The following SOCS7 variants were observed in gnomAD, a reference collection of about 807,000 sequenced individuals.
SOCS7 encodes the protein NAP-4.
A neutral mutation model predicts 58.9 loss-of-function variants in SOCS7; 18 were observed. The observed-to-expected ratio is 0.31, with a 90% CI of 0.21 to 0.45. The LOEUF is 0.45. Ranked by LOEUF, SOCS7 falls within the 20% of genes least tolerant of loss-of-function variation. The pLI, the probability that SOCS7 is intolerant of heterozygous loss-of-function variation, is 1.00. For missense variants in SOCS7, 667 were observed against 837.3 expected, an observed-to-expected ratio of 0.80 and a Z score of 2.51; for synonymous variants, 388 against 364.3, an observed-to-expected ratio of 1.06 and a Z score of -0.74.
At chr17:38,353,132 C>T (rs1205599665) in intron 1 of SOCS7, 100 bp downstream of exon 1, 8 of 1,156,414 alleles carry the variant, frequency 6.9e-6, no homozygotes, top group Non-Finnish European at 8.3e-6. Context: ...AAGATAGGGT[C>T]TTCAGGAGGA....
At chr17:38,367,398 G>C (rs907451381) in intron 5 of SOCS7, among the ~76,000 whole-genome samples, 1 of 149,470 alleles carries the variant, frequency 6.7e-6, no homozygotes, top group Non-Finnish European at 1.5e-5. Context: ...TTTTGACACA[G>C]AGTCTCACTG....
chr17:38,371,623 C>T (rs542562673), intron 6 of SOCS7, among the ~76,000 whole-genome samples: 1 of 149,952 alleles, frequency 6.7e-6, no homozygotes, highest in Non-Finnish European at 1.5e-5. Flanking sequence ...AACCACCATG[C>T]CCGGCCGGGA....
In SOCS7 at chr17:38,366,380, C is replaced by A; in HGVS notation, c.1346C>A (p.Ser449Ter). The A allele has an allele frequency of 6.2e-7, 1 of 1,614,232 alleles. No homozygotes were observed. Among genetic ancestry groups the A allele is most frequent in the East Asian group, 2.2e-5 (1 of 44,888 alleles). The change falls in exon 5 of 10, where the codon TCG becomes TAG. Residue 449 changes from serine (S) to a stop codon, truncating the protein, a stop_gained. Coordinates refer to ENST00000612932, the MANE Select transcript of SOCS7 (RefSeq NM_014598.4). LOFTEE classifies it high-confidence loss of function. ...CAGTGTCCCCTCTACCGGCCTGACT[C>A]GAGCAGCTTTGCAGCCAGCCTTCGA... ...HLQCPLYRPD[S>*]SSFAASLREL...
At chr17:38,383,406 C>G (rs1057131233) in intron 7 of SOCS7, among the ~76,000 whole-genome samples, 16 of 152,118 alleles carry the variant, frequency 1.1e-4, no homozygotes, top group African/African-American at 2.4e-5. Flanking sequence ...TCTCCTGGCC[C>G]TATAAAGGTG....
chr17:38,365,492 A>G (rs1249099879), intron 4 of SOCS7, 83 bp downstream of exon 4: 2 of 848,350 alleles, frequency 2.4e-6, no homozygotes, highest in Non-Finnish European at 3.5e-6. Context: ...GGAGAAATCT[A>G]TTTATGGAAA....
At chr17:38,387,327 A>G (rs2038087500) in intron 7 of SOCS7, among the ~76,000 whole-genome samples, 1 of 144,578 alleles carries the variant, frequency 6.9e-6, no homozygotes, top group African/African-American at 2.6e-5. Context: ...GGCACCTGTA[A>G]TCCCAGCTAC....
At chr17:38,380,528 G>T (rs565660171) in intron 7 of SOCS7, among the ~76,000 whole-genome samples, 3 of 151,908 alleles carry the variant, frequency 2.0e-5, no homozygotes, top group Admixed American at 2.0e-4. Context: ...TACTCTGGAG[G>T]CTGAGGCAGG....
At position 38,396,987 on chromosome 17, in the gene SOCS7, G is replaced by A. The variant is rs183699193; in HGVS notation, c.*30+989G>A. Among the ~76,000 whole-genome samples the A allele has an allele frequency of 1.3e-4, 20 of 152,244 alleles. No individual in the cohort carries two copies. In the East Asian group the frequency reaches 2.3e-3, roughly 18 times the overall value. ...AGGGTGAGAGGTAGAGCACTAGGGA[G>A]GTCCACCTACCTGACTACCCTTGAA... On this transcript the variant is annotated intron_variant, in intron 9 of 9. Transcript: ENST00000612932.
rs1289144521 is a variant in SOCS7 at position 38,384,452 on chromosome 17, T to A, written c.1681+6610T>A. On this transcript the variant is annotated intron_variant, in intron 7 of 9. Transcript: ENST00000612932. Reference sequence around the variant, plus strand: ...GGACTACAGGCATGGGCCACCATGCTCGGCTAATTTTTCAATTTTTTTGTT... The same window carrying A: ...GGACTACAGGCATGGGCCACCATGCACGGCTAATTTTTCAATTTTTTTGTT... Among the ~76,000 whole-genome samples the A allele has an allele frequency of 2.0e-5, 3 of 151,910 alleles. No individual in the cohort carries two copies. The East Asian group carries it at 5.8e-4, about 30-fold the overall frequency.
rs2038308670 is a variant in SOCS7, at chr17:38,400,808, G to A, written c.*1326G>A. 1 of 152,206 alleles carries A rather than the reference G, an allele frequency of 6.6e-6. No homozygotes were observed. The highest frequency in any genetic ancestry group is 1.9e-4 in the East Asian group (1 of 5,204). 9.4% of individuals were successfully genotyped at this position (152,206 alleles called of 1,614,324 possible). The stretch of plus-strand genomic sequence containing the variant: ...GAGGAGCGGGGAGAAAAACTCCAAT[G>A]GTCTTTAATGGTTTCTGCAGCTGGC... On this transcript the variant is annotated 3_prime_UTR_variant, in exon 10 of 10. Coordinates refer to ENST00000612932, the MANE Select transcript of SOCS7 (RefSeq NM_014598.4).
intron 7 of SOCS7, among the ~76,000 whole-genome samples, chr17:38,391,833 G>A (rs1374816754): frequency 6.6e-6 from 1 of 152,170 alleles, no homozygotes; most frequent in Admixed American, 6.5e-5. Context: ...AAACAGATGT[G>A]ATTCCTTATC....
rs992595907 is a variant in SOCS7 at position 38,377,944 on chromosome 17, T to C, written c.1681+102T>C. On this transcript the variant is annotated intron_variant, in intron 7 of 9. Transcript: ENST00000612932. The stretch of plus-strand genomic sequence containing the variant: ...CAAAAGGCCATGGTTAAGCTTTTTT[T>C]CCCTGGCTGTTGGAGCCACCACTCC... 8.1e-5 allele frequency: 94 copies of C among 1,153,850 alleles called. 1 individual carries two copies. The highest frequency in any genetic ancestry group is 1.3e-4 in the Admixed American group (6 of 45,406). 71.5% of individuals were successfully genotyped at this position (1,153,850 alleles called of 1,614,324 possible).
chr17:38,394,631 G>T (rs2038221313), intron 7 of SOCS7, among the ~76,000 whole-genome samples: 1 of 152,182 alleles, frequency 6.6e-6, no homozygotes, highest in Non-Finnish European at 1.5e-5. Flanking sequence ...ATTCCCAGCA[G>T]GGATACTTTT....
At chr17:38,367,759 T>A (rs1046123518) in intron 5 of SOCS7, 123 bp from the exon 6 acceptor site, 2 of 815,426 alleles carry the variant, frequency 2.5e-6, no homozygotes, top group Non-Finnish European at 3.9e-6. Flanking sequence ...TGTAAGTGGC[T>A]TTTACCTATT....
chr17:38,366,263 G>T, intron 4 of SOCS7, 24 bp from the exon 5 acceptor site: 1 of 1,611,516 alleles, frequency 6.2e-7, no homozygotes, highest in South Asian at 1.1e-5. Context: ...GTAAACAAGT[G>T]ACCACCACTG....
In SOCS7 at chr17:38,352,552, C is replaced by T; in HGVS notation, c.500C>T (p.Ala167Val). The part of the protein sequence containing the change: ...QPQPPAAAPQ[A>V]GEDPTETSDA... ...CAGCCGCCTGCTGCCGCCCCGCAGG[C>T]CGGGGAGGACCCCACGGAAACGAGC... is the stretch of plus-strand genomic sequence containing the variant. The change falls in exon 1 of 10, where the codon GCC becomes GTC. Residue 167 changes from alanine to valine, a missense_variant. Ala to Val is a moderately conservative substitution (Grantham distance 64). Around this residue, in one of 9 missense-constraint regions of SOCS7, gnomAD observed 154 missense variants for 156.3 expected, o/e 0.98. Transcript: ENST00000612932. The surrounding 1 kb of genome is among the most constrained non-coding windows in gnomAD (Gnocchi z 5.5). The T allele has an allele frequency of 6.5e-7, 1 of 1,549,352 alleles. No homozygotes were observed. Among genetic ancestry groups the T allele is most frequent in the Middle Eastern group, 1.7e-4 (1 of 5,976 alleles).
intron 7 of SOCS7, among the ~76,000 whole-genome samples, chr17:38,380,841 A>G (rs2037991780): frequency 6.6e-6 from 1 of 152,034 alleles, no homozygotes; most frequent in African/African-American, 2.4e-5. Flanking sequence ...TCTGGGTGAC[A>G]GAGGGAGACT....
At chr17:38,386,613 A>G (rs1315738205) in intron 7 of SOCS7, among the ~76,000 whole-genome samples, 1 of 152,122 alleles carries the variant, frequency 6.6e-6, no homozygotes, top group Admixed American at 6.6e-5. Context: ...ATGATACTCT[A>G]ATTTTATCAC....
chr17:38,371,409 C>T (rs2037862370), intron 6 of SOCS7, among the ~76,000 whole-genome samples: 2 of 152,104 alleles, frequency 1.3e-5, no homozygotes, highest in South Asian at 2.1e-4. Context: ...TGAGTAGTTC[C>T]TGGACGCGTG....
Sources: gnomAD v4.1 joint callset for allele counts (sites outside exome capture counted in the v4.1 genomes callset) on GRCh38, gnomAD v4.1.1 for gene constraint, gnomAD v4.1.1 regional missense constraint, Gnocchi (gnomAD v3.1) non-coding constraint, MANE v1.5 for transcripts, NCBI Gene and HGNC (gene_info 2026-07-23, HGNC 2026-07-21) for gene names.